AGBL4: variants seen among roughly 807,000 people sequenced by gnomAD.
AGBL4 encodes AGBL carboxypeptidase 4, also known as cytosolic carboxypeptidase 6.
A neutral mutation model predicts 66.4 loss-of-function variants in AGBL4; 58 were observed. The observed-to-expected ratio is 0.87, with a 90% confidence interval of 0.71 to 1.09. The LOEUF is 1.09. Among genes scored for constraint, AGBL4 ranks in the 50% least tolerant of loss-of-function variants. The pLI is 0.00. For synonymous variants in AGBL4, 234 were observed against 222.9 expected (o/e 1.05, Z -0.44); for missense variants, 579 against 631.0 (o/e 0.92, Z 0.88).
intron 3 of AGBL4, among the ~76,000 whole-genome samples, chr1:49,441,854 T>C (rs1299250206): frequency 6.6e-6 from 1 of 152,120 alleles, no homozygotes; most frequent in African/African-American, 2.4e-5. Flanking sequence ...GTCACCCCTA[T>C]CATCACCCAA....
intron 3 of AGBL4, among the ~76,000 whole-genome samples, chr1:49,430,352 C>T (rs911306783): frequency 1.3e-5 from 2 of 152,108 alleles, no homozygotes; most frequent in African/African-American, 2.4e-5. Flanking sequence ...TAGAAAAATA[C>T]CCGGTACTTA....
At chr1:49,776,901 TTAACACTGTATTTGGCACAGAATA>T (rs1644211584) in intron 2 of AGBL4, among the ~76,000 whole-genome samples, 1 of 152,092 alleles carries the variant, frequency 6.6e-6, no homozygotes, top group African/African-American at 2.4e-5. Flanking sequence ...ACAAATACAC[TTAACACTGTATTTGGCACAGAATA>T]TGAGTTCACA....
At chr1:49,822,327 GTGTGTGTGTGTGTT>G (rs1645391546) in intron 2 of AGBL4, among the ~76,000 whole-genome samples, 1 of 151,732 alleles carries the variant, frequency 6.6e-6, no homozygotes, top group Non-Finnish European at 1.5e-5. Flanking sequence ...GTGTGTGTGT[GTGTGTGTGTGTGTT>G]TGTGTGAGAC....
chr1:49,589,428 C>G (rs1227608885), intron 3 of AGBL4, among the ~76,000 whole-genome samples: 1 of 152,028 alleles, frequency 6.6e-6, no homozygotes, highest in Non-Finnish European at 1.5e-5. Context: ...TCTCAATAGA[C>G]TTACCTATGG....
At chr1:49,976,530 T>C (rs961209433) in intron 1 of AGBL4, among the ~76,000 whole-genome samples, 2 of 152,180 alleles carry the variant, frequency 1.3e-5, no homozygotes, top group African/African-American at 4.8e-5. Context: ...GTAATTCAGG[T>C]AAAACTGTCC....
intron 6 of AGBL4, chr1:48,759,223 C>T (rs904645045): frequency 3.1e-6 from 5 of 1,603,080 alleles, no homozygotes; most frequent in Admixed American, 3.4e-5. Context: ...CTTCTCTAGC[C>T]GAGCCACCAC....
chr1:49,630,636 C>T (rs1326952236), intron 3 of AGBL4, among the ~76,000 whole-genome samples: 3 of 152,088 alleles, frequency 2.0e-5, no homozygotes, highest in African/African-American at 7.2e-5. Context: ...TAATCAATCA[C>T]CCTCGAAACC....
rs545027849 is a variant in AGBL4 at position 49,584,378 on chromosome 1, C to A, written c.282+112935G>T. On this transcript the variant is annotated intron_variant, in intron 3 of 13. Coordinates refer to ENST00000371839, the MANE Select transcript of AGBL4 (RefSeq NM_032785.4). ...TACCTCCCACTATTGCCAGCACTGT[C>A]AATATAATGTAATTTTCTTACAGTA... Among the ~76,000 whole-genome samples, 3 of 152,202 alleles carry A rather than the reference C, an allele frequency of 2.0e-5. No individual in the cohort carries two copies. The East Asian group carries it at 5.8e-4, about 29-fold the overall frequency.
intron 9 of AGBL4, among the ~76,000 whole-genome samples, chr1:48,633,654 A>G (rs984410939): frequency 3.3e-5 from 5 of 152,138 alleles, no homozygotes; most frequent in African/African-American, 1.2e-4. Flanking sequence ...CTCTTCCCAT[A>G]TCCTCCACCT....
chr1:49,951,487 G>T (rs1005238288), intron 1 of AGBL4, among the ~76,000 whole-genome samples: 1 of 151,914 alleles, frequency 6.6e-6, no homozygotes, highest in Non-Finnish European at 1.5e-5. Context: ...CATCTGTCCA[G>T]CAACTGCCTG....
intron 6 of AGBL4, chr1:48,759,150 T>C (rs777325753): frequency 2.1e-5 from 34 of 1,614,026 alleles, no homozygotes; most frequent in Non-Finnish European, 2.8e-5. Flanking sequence ...CCTCTGTGCC[T>C]GGCGAGGCCT....
At chr1:49,313,525 C>A (rs1050614819) in intron 3 of AGBL4, among the ~76,000 whole-genome samples, 7 of 152,140 alleles carry the variant, frequency 4.6e-5, no homozygotes, top group Non-Finnish European at 8.8e-5. Flanking sequence ...TCCACATGCT[C>A]TCCAGCATCT....
At chr1:48,566,931 C>A (rs1569818131) in intron 11 of AGBL4, among the ~76,000 whole-genome samples, 1 of 152,260 alleles carries the variant, frequency 6.6e-6, no homozygotes, top group Admixed American at 6.5e-5. Context: ...GAGTTCAAGA[C>A]CAGCCTGAGC....
intron 3 of AGBL4, among the ~76,000 whole-genome samples, chr1:49,686,334 G>C (rs1032809279): frequency 1.3e-5 from 2 of 152,168 alleles, no homozygotes; most frequent in African/African-American, 4.8e-5. Context: ...GGCTCCTCCA[G>C]CACAGTAAGT....
chr1:49,833,312 G>A (rs1322770623), intron 2 of AGBL4, among the ~76,000 whole-genome samples: 17 of 150,938 alleles, frequency 1.1e-4, no homozygotes, highest in East Asian at 1.9e-4. Flanking sequence ...GTAGATATGC[G>A]GCGTTATTTC....
At chr1:49,608,604 CA>C (rs34555974) in intron 3 of AGBL4, among the ~76,000 whole-genome samples, 13,867 of 152,054 alleles carry the variant, frequency 0.091, 852 homozygotes, top group East Asian at 0.3. Context: ...ATAGAAGGAG[CA>C]AAGCAGAAAA....
intron 3 of AGBL4, among the ~76,000 whole-genome samples, chr1:49,443,860 C>A (rs1164805343): frequency 6.6e-6 from 1 of 151,314 alleles, no homozygotes; most frequent in African/African-American, 2.4e-5. Flanking sequence ...TATTAGACTG[C>A]TGATTTGTGA....
At chr1:49,552,142 C>A (rs946701302) in intron 3 of AGBL4, among the ~76,000 whole-genome samples, 1 of 152,110 alleles carries the variant, frequency 6.6e-6, no homozygotes, top group Admixed American at 6.5e-5. Context: ...GGGCCGGTCT[C>A]ACTCCCACCG....
chr1:49,841,565 A>G (rs1002471610), intron 2 of AGBL4, among the ~76,000 whole-genome samples: 29 of 152,194 alleles, frequency 1.9e-4, no homozygotes, highest in African/African-American at 7.0e-4. Flanking sequence ...ACAAGGCTGG[A>G]GAAATCATAC....
Sources: gnomAD v4.1 joint callset for allele counts (sites outside exome capture counted in the v4.1 genomes callset) on GRCh38, gnomAD v4.1.1 for gene constraint, MANE v1.5 for transcripts, NCBI Gene and HGNC (gene_info 2026-07-23, HGNC 2026-07-21) for gene names.